MLLT3: variants seen among roughly 807,000 people sequenced by gnomAD.
MLLT3 encodes protein AF-9.
MLLT3 carries 4 observed loss-of-function variants against 53.2 expected under a neutral mutation model. That is an observed-to-expected ratio of 0.08 (90% confidence interval 0.04 to 0.17). The LOEUF (loss-of-function observed/expected upper bound fraction) is 0.17. Ranked by LOEUF, MLLT3 falls within the 10% of genes least tolerant of loss-of-function variation. The pLI is 1.00. For synonymous variants in MLLT3, 283 were observed against 230.6 expected, an observed-to-expected ratio of 1.23 and a Z score of -2.06; for missense variants, 569 against 684.0, an observed-to-expected ratio of 0.83 and a Z score of 1.87.
At chr9:20,415,591 T>C (rs1822850993) in intron 4 of MLLT3, 2 of 238,136 alleles carry the variant, frequency 8.4e-6, no homozygotes, top group South Asian at 3.1e-4. Flanking sequence ...GATTTTCAAC[T>C]AGAATTTACA....
chr9:20,442,254 G>A (rs756378865), intron 4 of MLLT3, among the ~76,000 whole-genome samples: 3 of 152,108 alleles, frequency 2.0e-5, no homozygotes, highest in African/African-American at 4.8e-5. Context: ...AGGCACTCAC[G>A]TACTATTTGG....
intron 2 of MLLT3, among the ~76,000 whole-genome samples, chr9:20,541,588 C>T (rs1338787475): frequency 6.6e-6 from 1 of 152,150 alleles, no homozygotes; most frequent in Non-Finnish European, 1.5e-5. Context: ...AACTCACTAT[C>T]ATAAGGCCCG....
chr9:20,617,007 A>C (rs1030225836), intron 2 of MLLT3, among the ~76,000 whole-genome samples: 3 of 152,178 alleles, frequency 2.0e-5, no homozygotes, highest in East Asian at 3.8e-4. Context: ...TTCCACCAAC[A>C]ATTCAGCTTT....
chr9:20,603,366 G>C lies in MLLT3; in HGVS notation c.193+17288C>G, dbSNP rs191239517. Among the ~76,000 whole-genome samples the C allele has an allele frequency of 2.9e-3, 439 of 152,024 alleles. 1 individual carries two copies. The highest frequency in any genetic ancestry group is 4.7e-3 in the Non-Finnish European group (320 of 67,936). ...ACCTCTTAGGTCAAATCTGGCACCC[G>C]CAACTTAGTACTAAATTTCCTCAAA... On this transcript the variant is annotated intron_variant, in intron 2 of 10. Transcript: ENST00000380338.
rs574041364 is a variant in MLLT3, at chr9:20,551,789, A to C, written c.193+68865T>G. Among the ~76,000 whole-genome samples, 40 of 152,350 alleles carry C rather than the reference A, an allele frequency of 2.6e-4. 1 individual carries two copies. The South Asian group carries it at 8.1e-3, about 31-fold the overall frequency. ...CCCCAAAACATAAAATCTATGACAG[A>C]CTTTGATATTAATTTTTATTGAACA... is the stretch of plus-strand genomic sequence containing the variant. On this transcript the variant is annotated intron_variant, in intron 2 of 10. Transcript: ENST00000380338.
intron 5 of MLLT3, among the ~76,000 whole-genome samples, chr9:20,410,876 C>T (rs4382555): frequency 6.6e-6 from 1 of 152,136 alleles, no homozygotes; most frequent in Admixed American, 6.5e-5. Flanking sequence ...CCCAGCCTTC[C>T]TTATACTTCA....
At chr9:20,506,578 T>C (rs1229428899) in intron 2 of MLLT3, among the ~76,000 whole-genome samples, 1 of 152,218 alleles carries the variant, frequency 6.6e-6, no homozygotes, top group African/African-American at 2.4e-5. Flanking sequence ...TTTCCAGTTA[T>C]TATGCATTCC....
At chr9:20,479,571 T>C (rs1022406299) in intron 2 of MLLT3, among the ~76,000 whole-genome samples, 41 of 152,150 alleles carry the variant, frequency 2.7e-4, no homozygotes, top group African/African-American at 8.7e-4. Flanking sequence ...AGAAGTTGGG[T>C]ACTATGGTTT....
At chr9:20,552,039 G>C (rs1010186897) in intron 2 of MLLT3, among the ~76,000 whole-genome samples, 3 of 152,156 alleles carry the variant, frequency 2.0e-5, no homozygotes, top group African/African-American at 7.2e-5. Flanking sequence ...CTTTATGACT[G>C]TAAAGTTTAT....
At chr9:20,547,271 T>C (rs1400982918) in intron 2 of MLLT3, among the ~76,000 whole-genome samples, 1 of 151,974 alleles carries the variant, frequency 6.6e-6, no homozygotes, top group Non-Finnish European at 1.5e-5. Flanking sequence ...TGGGCTCAAG[T>C]GATCTACCTG....
At chr9:20,498,157 G>A (rs1017186891) in intron 2 of MLLT3, among the ~76,000 whole-genome samples, 5 of 148,156 alleles carry the variant, frequency 3.4e-5, no homozygotes, top group African/African-American at 1.2e-4. Context: ...GGGAGGTGGA[G>A]GCAGAGGCTG....
intron 2 of MLLT3, among the ~76,000 whole-genome samples, chr9:20,589,181 A>C (rs1433324493): frequency 2.0e-5 from 3 of 150,058 alleles, no homozygotes; most frequent in Non-Finnish European, 4.5e-5. Flanking sequence ...ACTTGGAACC[A>C]ACCCAAATGT....
chr9:20,350,634 T>C (rs1426516842), intron 10 of MLLT3, among the ~76,000 whole-genome samples: 4 of 150,820 alleles, frequency 2.7e-5, no homozygotes, highest in Admixed American at 6.6e-5. Context: ...CAGGTACATA[T>C]GGGTAGTGGA....
Position 20,448,304 on chromosome 9 carries a change from T to A in MLLT3, c.277-38A>T. On this transcript the variant is annotated intron_variant, in intron 3 of 10. Coordinates refer to ENST00000380338, the MANE Select transcript of MLLT3 (RefSeq NM_004529.4). This position sits in a 1 kb window ranked among gnomAD's most constrained non-coding sequence, Gnocchi z 4.0. ...AAAAATTATGAAAGAAAAAAGAGAGTGAGGCATAAGTGAAATTTTAAAAGC... is the reference window on the plus strand; with the variant it reads ...AAAAATTATGAAAGAAAAAAGAGAGAGAGGCATAAGTGAAATTTTAAAAGC... The A allele has an allele frequency of 3.1e-6, 5 of 1,600,954 alleles. No individual in the cohort carries two copies. The highest frequency in any genetic ancestry group is 4.3e-6 in the Non-Finnish European group (5 of 1,173,684).
intron 10 of MLLT3, among the ~76,000 whole-genome samples, chr9:20,347,075 CA>C (rs11295975): frequency 0.27 from 22,303 of 82,982 alleles, 3,796 homozygotes; most frequent in African/African-American, 0.56. Flanking sequence ...CAGGAACTCC[CA>C]AAAAAAAAAA....
intron 5 of MLLT3, among the ~76,000 whole-genome samples, chr9:20,408,735 C>T (rs1461164140): frequency 6.6e-6 from 1 of 152,148 alleles, no homozygotes; most frequent in Non-Finnish European, 1.5e-5. Flanking sequence ...TCTCTGACTG[C>T]AACAACCTTC....
intron 8 of MLLT3, among the ~76,000 whole-genome samples, chr9:20,357,979 GCGCACA>G (rs1035073550): frequency 2.9e-5 from 4 of 137,778 alleles, no homozygotes; most frequent in African/African-American, 1.1e-4. Flanking sequence ...CCTCCCTCCT[GCGCACA>G]CACACACACA....
At chr9:20,525,496 A>T (rs1405728951) in intron 2 of MLLT3, among the ~76,000 whole-genome samples, 1 of 152,002 alleles carries the variant, frequency 6.6e-6, no homozygotes, top group Non-Finnish European at 1.5e-5. Flanking sequence ...TCTGACTTAA[A>T]TAAAAAATAA....
At chr9:20,549,606 C>T (rs1036173837) in intron 2 of MLLT3, among the ~76,000 whole-genome samples, 1 of 152,202 alleles carries the variant, frequency 6.6e-6, no homozygotes, top group Non-Finnish European at 1.5e-5. Context: ...AAAGGTCACA[C>T]AGGCGACTGG....
Sources: allele counts gnomAD v4.1 joint callset (sites outside exome capture counted in the v4.1 genomes callset), GRCh38; gene constraint gnomAD v4.1.1; non-coding constraint Gnocchi (gnomAD v3.1); transcripts MANE v1.5; gene names NCBI Gene and HGNC (gene_info 2026-07-23, HGNC 2026-07-21).